MACF1: variants seen among roughly 807,000 people sequenced by gnomAD.
The protein encoded by MACF1 is microtubule-actin cross-linking factor 1.
In MACF1, 193 loss-of-function variants were observed where a neutral mutation model predicts 854.8. The observed-to-expected ratio is 0.23, with a 90% CI of 0.20 to 0.25. MACF1 has a LOEUF of 0.25. Ranked by LOEUF, MACF1 falls within the 10% of genes least tolerant of loss-of-function variation. MACF1 has a pLI of 1.00. For synonymous variants in MACF1, 3,185 were observed against 3,226.7 expected (o/e 0.99, Z 0.44); for missense variants, 7,722 against 8,929.1 (o/e 0.86, Z 5.45).
intron 36 of MACF1, 172 bp from the exon 37 acceptor site, chr1:39,331,031 C>A: frequency 1.1e-6 from 1 of 876,682 alleles, no homozygotes; most frequent in Non-Finnish European, 1.6e-6. Flanking sequence ...AGACTCCTGA[C>A]CTCATGATTT....
chr1:39,098,867 C>T (rs1469680495), intron 2 of MACF1, among the ~76,000 whole-genome samples: 1 of 152,152 alleles, frequency 6.6e-6, no homozygotes, highest in African/African-American at 2.4e-5. Flanking sequence ...CTTCTTACCC[C>T]AGAGCGGATT....
intron 2 of MACF1, among the ~76,000 whole-genome samples, chr1:39,112,675 T>C (rs547059365): frequency 6.8e-6 from 1 of 146,834 alleles, no homozygotes; most frequent in East Asian, 2.0e-4. Flanking sequence ...AGCAAGACTT[T>C]ATTGCAAAAA....
chr1:39,153,936 C>T (rs1643632242), intron 2 of MACF1, among the ~76,000 whole-genome samples: 1 of 152,180 alleles, frequency 6.6e-6, no homozygotes, highest in Non-Finnish European at 1.5e-5. Flanking sequence ...CTGAACCTGG[C>T]ACCTGCTTTT....
intron 47 of MACF1, among the ~76,000 whole-genome samples, chr1:39,360,052 TACACACACACAC>T (rs373864736): frequency 2.0e-5 from 1 of 49,870 alleles, no homozygotes; most frequent in Non-Finnish European, 3.9e-5. Flanking sequence ...TATATATATA[TACACACACACAC>T]ACACACATAT....
At chr1:39,368,076 T>C (rs1437587246) in intron 49 of MACF1, 72 bp from the exon 50 acceptor site, 13 of 1,313,596 alleles carry the variant, frequency 9.9e-6, no homozygotes, top group Non-Finnish European at 1.4e-5. Flanking sequence ...AGCATACCTC[T>C]TTCCTTATTC....
In MACF1 at chr1:39,430,848, C is replaced by T. The variant is rs1643865927; in HGVS notation, c.17277C>T (p.Val5759=). The change falls in exon 66 of 101, where the codon GTC becomes GTT. Residue 5759 remains valine (V), a synonymous_variant. Transcript: ENST00000564288. Reference sequence around the variant, plus strand: ...ATGCTAACGAGCAGTACAAACTAGTCAGTGACACTATTGGACAAAGGGTGG... The same window carrying T: ...ATGCTAACGAGCAGTACAAACTAGTTAGTGACACTATTGGACAAAGGGTGG... ...VSDANEQYKL[V]SDTIGQRVDE... The T allele has an allele frequency of 6.2e-7, 1 of 1,612,702 alleles. No individual in the cohort carries two copies. Among genetic ancestry groups the T allele is most frequent in the Non-Finnish European group, 8.5e-7 (1 of 1,180,002 alleles).
At chr1:39,195,191 T>C (rs1326521785) in intron 2 of MACF1, among the ~76,000 whole-genome samples, 1 of 152,148 alleles carries the variant, frequency 6.6e-6, no homozygotes, top group African/African-American at 2.4e-5. Flanking sequence ...TTTTGAGTTA[T>C]TTCTGCCATA....
chr1:39,479,145 G>C (rs1177924146), intron 97 of MACF1, among the ~76,000 whole-genome samples: 1 of 152,128 alleles, frequency 6.6e-6, no homozygotes, highest in African/African-American at 2.4e-5. Flanking sequence ...CCTACTTGCA[G>C]TTACTCCTTT....
chr1:39,297,464 T>C (rs1337217260), intron 20 of MACF1, among the ~76,000 whole-genome samples, 156 bp from the exon 21 acceptor site: 4 of 152,026 alleles, frequency 2.6e-5, no homozygotes, highest in Admixed American at 6.5e-5. Context: ...AGCCCTTCGG[T>C]TTATGTTTCA....
intron 36 of MACF1, among the ~76,000 whole-genome samples, chr1:39,328,129 G>A (rs1430322380): frequency 6.6e-6 from 1 of 152,170 alleles, no homozygotes; most frequent in Non-Finnish European, 1.5e-5. Flanking sequence ...TTCAGACAAA[G>A]CATGTCTTGA....
intron 31 of MACF1, 88 bp downstream of exon 31, chr1:39,319,835 A>G: frequency 1.1e-6 from 1 of 938,886 alleles, no homozygotes; most frequent in South Asian, 1.5e-5. Flanking sequence ...TTCTAGACAA[A>G]TTAAGCAGAG....
chr1:39,367,090 G>C (rs1420086982), intron 49 of MACF1, among the ~76,000 whole-genome samples: 1 of 151,746 alleles, frequency 6.6e-6, no homozygotes, highest in African/African-American at 2.4e-5. Flanking sequence ...TGGGACTACA[G>C]AGTGCGCCAC....
intron 97 of MACF1, among the ~76,000 whole-genome samples, chr1:39,473,705 A>T (rs1570209760): frequency 6.6e-6 from 1 of 152,010 alleles, no homozygotes; most frequent in African/African-American, 2.4e-5. Flanking sequence ...CTGTTGAGAG[A>T]CTTGTTTTCA....
chr1:39,301,312 G>T (rs1445731506), intron 22 of MACF1, among the ~76,000 whole-genome samples: 1 of 152,054 alleles, frequency 6.6e-6, no homozygotes, highest in Non-Finnish European at 1.5e-5. Context: ...ATTTTTAGTA[G>T]AGATGGGGTT....
intron 2 of MACF1, among the ~76,000 whole-genome samples, chr1:39,194,673 TCTCCCCTCCCCTCCC>T (rs1004084228): frequency 6.8e-6 from 1 of 147,130 alleles, no homozygotes; most frequent in Non-Finnish European, 1.5e-5. Flanking sequence ...CCTGCCTTCC[TCTCCCCTCCCCTCCC>T]CTCCCCTCCC....
At position 39,428,075 on chromosome 1, in the gene MACF1, A is replaced by C. The variant is rs1464355662; in HGVS notation, c.16591A>C (p.Ile5531Leu). 6.2e-7 allele frequency: 1 copy of C among 1,614,210 alleles called. No homozygotes were observed. Among genetic ancestry groups the C allele is most frequent in the Non-Finnish European group, 8.5e-7 (1 of 1,180,040 alleles). Residue 5531 changes from isoleucine (I) to leucine (L), a missense_variant, in exon 63 of 101, where the codon ATA (isoleucine) becomes CTA (leucine). Physicochemically the swap from Ile to Leu is conservative, Grantham distance 5. This residue lies in a region of MACF1 where 2,807 missense variants were observed against 3,235.8 expected (regional missense o/e 0.87). Coordinates refer to ENST00000564288, the MANE Select transcript of MACF1 (RefSeq NM_001394062.1). ...PAEQGVLSEK[I>L]DSLQARYSEI... Reference sequence around the variant, plus strand: ...AGAACAGGGTGTGCTGTCAGAAAAGATAGACTCATTGCAGGCCCGATACAG... The same window carrying C: ...AGAACAGGGTGTGCTGTCAGAAAAGCTAGACTCATTGCAGGCCCGATACAG...
Position 39,315,685 on chromosome 1 carries a change from T to C in MACF1, c.3443T>C (p.Leu1148Pro). 6.2e-7 allele frequency: 1 copy of C among 1,613,178 alleles called. No homozygotes were observed. Among genetic ancestry groups the C allele is most frequent in the Non-Finnish European group, 8.5e-7 (1 of 1,179,704 alleles). The change falls in exon 27 of 101, where the codon CTG (leucine) becomes CCG (proline). Residue 1148 changes from leucine (L) to proline (P), a missense_variant. By Grantham distance (98) the Leu-to-Pro change is moderately conservative. Transcript: ENST00000564288. ...DHVYGLSTVY[L>P]NKLKTVDVIV... ...GTCTATGGTCTCTCTACTGTATATC[T>C]GAATAAGTGAGTGAGCTGAGGTTTT...
At chr1:39,341,067 T>C (rs1472450689) in intron 40 of MACF1, 114 bp downstream of exon 40, 9 of 957,004 alleles carry the variant, frequency 9.4e-6, no homozygotes, top group East Asian at 2.8e-5. Flanking sequence ...GGAGTCTTGC[T>C]CTGTCACCCA....
chr1:39,304,548 C>A, intron 23 of MACF1: 5 of 1,018,766 alleles, frequency 4.9e-6, no homozygotes, highest in Non-Finnish European at 7.3e-6. Context: ...ACACTCCTTT[C>A]AAATTTTCTT....
Sources: gnomAD v4.1 joint callset for allele counts (sites outside exome capture counted in the v4.1 genomes callset) on GRCh38, gnomAD v4.1.1 for gene constraint, gnomAD v4.1.1 regional missense constraint, MANE v1.5 for transcripts, NCBI Gene and HGNC (gene_info 2026-07-23, HGNC 2026-07-21) for gene names.